The following USP50 variants were observed in gnomAD, a reference collection of about 807,000 sequenced individuals.
USP50 encodes the protein ubiquitin specific peptidase 50, also known as ubiquitin carboxyl-terminal hydrolase 50.
In USP50, 37 loss-of-function variants were observed where a neutral mutation model predicts 39.2. The observed-to-expected ratio is 0.94, with a 90% CI of 0.73 to 1.24. USP50 has a LOEUF of 1.24. Ranked by LOEUF, USP50 falls within the 50% of genes most tolerant of loss-of-function variation. USP50 has a pLI of 0.00. For missense variants in USP50, 374 were observed against 398.2 expected (o/e 0.94, Z 0.52); for synonymous variants, 139 against 144.5 (o/e 0.96, Z 0.27).
chr15:50,532,910 A>G (rs1195919910), intron 5 of USP50, among the ~76,000 whole-genome samples: 1 of 152,206 alleles, frequency 6.6e-6, no homozygotes, highest in Non-Finnish European at 1.5e-5. Context: ...CATGTGAAGA[A>G]TGCCTCTGAT....
chr15:50,497,041 T>C (rs1468912533), downstream of USP50: 3 of 1,561,072 alleles, frequency 1.9e-6, no homozygotes, highest in Non-Finnish European at 2.6e-6. Context: ...TCTGACATTA[T>C]TGAAGAATCG....
intron 6 of USP50, among the ~76,000 whole-genome samples, chr15:50,528,517 T>C (rs944969203): frequency 1.3e-5 from 2 of 152,148 alleles, no homozygotes; most frequent in African/African-American, 4.8e-5. Flanking sequence ...AACATCTATA[T>C]GAGAAATAAA....
intron 6 of USP50, chr15:50,501,302 GAA>G (rs59352489): frequency 3.0e-3 from 321 of 108,794 alleles, no homozygotes; most frequent in South Asian, 3.9e-3. Context: ...TCTTTTAAAG[GAA>G]AAAAAAAAAA....
At chr15:50,496,387 A>C (rs2052405810), downstream of USP50, among the ~76,000 whole-genome samples, 1 of 151,504 alleles carries the variant, frequency 6.6e-6, no homozygotes, top group Non-Finnish European at 1.5e-5. Context: ...AGGCTGAGGC[A>C]GGAGAATGGC....
chr15:50,520,908 T>C (rs570723160), intron 6 of USP50, among the ~76,000 whole-genome samples: 4 of 152,286 alleles, frequency 2.6e-5, no homozygotes, highest in African/African-American at 9.6e-5. Context: ...GACAGCATAA[T>C]AGAGTCACTA....
intron 2 of USP50, 151 bp from the exon 3 acceptor site, chr15:50,543,944 C>A: frequency 1.4e-6 from 1 of 698,348 alleles, no homozygotes; most frequent in Non-Finnish European, 2.4e-6. Flanking sequence ...AGGAGGATAG[C>A]TTGAGCCCCC....
intron 1 of USP50, among the ~76,000 whole-genome samples, chr15:50,494,993 T>C (rs940649736): frequency 3.4e-5 from 5 of 146,950 alleles, no homozygotes; most frequent in African/African-American, 1.3e-4. Context: ...CACTCCAGCC[T>C]GGGCGACAGA....
intron 3 of USP50, among the ~76,000 whole-genome samples, chr15:50,541,798 T>C (rs2141380212): frequency 6.6e-6 from 1 of 152,126 alleles, no homozygotes; most frequent in East Asian, 1.9e-4. Flanking sequence ...TAAATTAGCA[T>C]TAGTTCACTC....
downstream of USP50, chr15:50,499,333 A>AAAAT (rs1439473093): frequency 3.1e-5 from 10 of 327,554 alleles, no homozygotes; most frequent in Non-Finnish European, 5.5e-5. Flanking sequence ...CTCCAAAGTT[A>AAAAT]AAATAATTAA....
intron 6 of USP50, among the ~76,000 whole-genome samples, chr15:50,527,496 C>T (rs1373979805): frequency 7.9e-5 from 12 of 151,790 alleles, no homozygotes; most frequent in Non-Finnish European, 1.5e-4. Context: ...TGTAAGCCAC[C>T]ATGCCCGGCC....
chr15:50,525,454 A>C (rs1025591929), intron 6 of USP50, among the ~76,000 whole-genome samples: 2 of 142,444 alleles, frequency 1.4e-5, no homozygotes, highest in East Asian at 4.0e-4. Context: ...TGATTTAATC[A>C]TTCCACATTT....
intron 6 of USP50, chr15:50,514,084 A>G (rs2052774548): frequency 6.6e-6 from 1 of 152,252 alleles, no homozygotes; most frequent in African/African-American, 2.4e-5. Context: ...TACAGCAATG[A>G]GAATGAATAA....
At chr15:50,496,342 G>A (rs955564970), downstream of USP50, among the ~76,000 whole-genome samples, 2 of 151,942 alleles carry the variant, frequency 1.3e-5, no homozygotes, top group Admixed American at 6.6e-5. Flanking sequence ...TTAGCCGGGC[G>A]TGGTGGTGGG....
chr15:50,530,931 C>A (rs545248651), intron 5 of USP50, among the ~76,000 whole-genome samples: 1 of 151,998 alleles, frequency 6.6e-6, no homozygotes, highest in African/African-American at 2.4e-5. Context: ...TTTTCAAGCT[C>A]TGAGTTTTTG....
intron 6 of USP50, among the ~76,000 whole-genome samples, chr15:50,522,022 C>A (rs535280575): frequency 7.9e-5 from 12 of 152,020 alleles, no homozygotes; most frequent in African/African-American, 2.7e-4. Context: ...TATAAAGGAT[C>A]CTAAGAAACT....
chr15:50,495,242 ATACGTG>A (rs1323410292), intron 1 of USP50, among the ~76,000 whole-genome samples: 6 of 58,182 alleles, frequency 1.0e-4, no homozygotes, highest in African/African-American at 2.4e-4. Context: ...GTATATATAT[ATACGTG>A]TATATATACA....
At chr15:50,494,998 G>A (rs143488383) in intron 1 of USP50, among the ~76,000 whole-genome samples, 145 of 147,382 alleles carry the variant, frequency 9.8e-4, no homozygotes, top group African/African-American at 2.5e-3. Flanking sequence ...CAGCCTGGGC[G>A]ACAGAGTGAG....
chr15:50,514,129 C>T (rs2052775079), intron 6 of USP50: 1 of 152,082 alleles, frequency 6.6e-6, no homozygotes, highest in African/African-American at 2.4e-5. Flanking sequence ...ATGAACATTA[C>T]ATAATTTTGA....
intron 6 of USP50, chr15:50,508,346 A>G (rs1240153960): frequency 6.6e-6 from 1 of 152,214 alleles, no homozygotes; most frequent in Non-Finnish European, 1.5e-5. Flanking sequence ...GGTCAGTATT[A>G]AGATGAATTG....
Sources: gnomAD v4.1 joint callset for allele counts (sites outside exome capture counted in the v4.1 genomes callset) on GRCh38, gnomAD v4.1.1 for gene constraint, MANE v1.5 for transcripts, NCBI Gene and HGNC (gene_info 2026-07-23, HGNC 2026-07-21) for gene names.